UBE2R2: variants seen among roughly 807,000 people sequenced by gnomAD.
UBE2R2 encodes the protein ubiquitin-conjugating enzyme E2 R2.
In UBE2R2, 1 loss-of-function variant was observed where a neutral mutation model predicts 27.8. That is an observed-to-expected ratio of 0.04 (90% CI 0.01 to 0.17). The LOEUF (loss-of-function observed/expected upper bound fraction) is 0.17, where lower values mean the gene tolerates loss of function less well. UBE2R2 is among the 10% of genes least tolerant of loss of function. UBE2R2 has a pLI of 1.00. For missense variants in UBE2R2, 100 were observed against 291.0 expected, an observed-to-expected ratio of 0.34 and a Z score of 4.78; for synonymous variants, 106 against 113.3, an observed-to-expected ratio of 0.94 and a Z score of 0.41.
chr9:33,822,334 C>T (rs891102982), intron 1 of UBE2R2, among the ~76,000 whole-genome samples: 3 of 151,896 alleles, frequency 2.0e-5, no homozygotes, highest in Non-Finnish European at 2.9e-5. Context: ...CAGGTGATCC[C>T]GCTCACCTCA....
At chr9:33,843,941 TAA>T (rs941560807) in intron 1 of UBE2R2, among the ~76,000 whole-genome samples, 2 of 152,182 alleles carry the variant, frequency 1.3e-5, no homozygotes, top group African/African-American at 2.4e-5. Flanking sequence ...AAAAATCTAT[TAA>T]GAGGTATTAT....
intron 1 of UBE2R2, among the ~76,000 whole-genome samples, chr9:33,875,598 A>G (rs1240136048): frequency 6.6e-6 from 1 of 152,108 alleles, no homozygotes; most frequent in East Asian, 1.9e-4. Flanking sequence ...CTTGGGATCC[A>G]TTTTTGAAGT....
At chr9:33,836,156 A>C (rs1820610078) in intron 1 of UBE2R2, among the ~76,000 whole-genome samples, 1 of 151,992 alleles carries the variant, frequency 6.6e-6, no homozygotes, top group South Asian at 2.1e-4. Flanking sequence ...ATATAGAAAA[A>C]TTAGCTGGGC....
chr9:33,817,724 C>T lies in UBE2R2; in HGVS notation c.-34C>T, dbSNP rs1587417896. The T allele has an allele frequency of 6.7e-7, 1 of 1,482,672 alleles. No individual in the cohort carries two copies. The highest frequency in any genetic ancestry group is 9.0e-7 in the Non-Finnish European group (1 of 1,114,046). 91.8% of individuals were successfully genotyped at this position (1,482,672 alleles called of 1,614,324 possible). ...CGGCCGGTGCGTGAGGACTGGGGCC[C>T]GGGCCCGGCGCCGCCGCCGCCGCCG... On this transcript the variant is annotated 5_prime_UTR_variant, in exon 1 of 5. Transcript: ENST00000263228.
intron 1 of UBE2R2, chr9:33,868,460 T>TA (rs1821411804): frequency 2.6e-5 from 4 of 152,074 alleles, no homozygotes; most frequent in Non-Finnish European, 2.9e-5. Flanking sequence ...TTTTCCCACA[T>TA]ACTATTATTG....
rs188524054 is a variant in UBE2R2 at position 33,817,518 on chromosome 9, T to C, written c.-240T>C. The C allele has an allele frequency of 1.6e-4, 36 of 223,044 alleles. No individual in the cohort carries two copies. The highest frequency in any genetic ancestry group is 2.6e-4 in the Non-Finnish European group (33 of 125,908). 13.8% of individuals were successfully genotyped at this position (223,044 alleles called of 1,614,324 possible). On this transcript the variant is annotated 5_prime_UTR_variant, in exon 1 of 5. Transcript: ENST00000263228. Reference sequence around the variant, plus strand: ...GAATTCTCCTAACTCCCTCGACCTCTCCTCTCGCCCGGCCCGAGTGTGAGG... The same window carrying C: ...GAATTCTCCTAACTCCCTCGACCTCCCCTCTCGCCCGGCCCGAGTGTGAGG...
chr9:33,895,704 G>A (rs1026592006), intron 2 of UBE2R2, among the ~76,000 whole-genome samples: 1 of 147,014 alleles, frequency 6.8e-6, no homozygotes, highest in Admixed American at 6.8e-5. Flanking sequence ...TTTGAGCACC[G>A]TTTTGTAGTT....
intron 1 of UBE2R2, among the ~76,000 whole-genome samples, chr9:33,830,596 C>T (rs920692924): frequency 1.7e-4 from 26 of 151,330 alleles, no homozygotes; most frequent in African/African-American, 5.6e-4. Context: ...GTGAAACCCC[C>T]GTCTCTACTG....
chr9:33,893,799 T>G (rs900660088), intron 2 of UBE2R2, among the ~76,000 whole-genome samples: 11 of 152,006 alleles, frequency 7.2e-5, no homozygotes, highest in African/African-American at 2.7e-4. Flanking sequence ...GCCCAGCTAT[T>G]TTTTGTATTT....
intron 3 of UBE2R2, among the ~76,000 whole-genome samples, 181 bp from the exon 4 acceptor site, chr9:33,911,783 T>C (rs554197866): frequency 6.6e-6 from 1 of 152,344 alleles, no homozygotes; most frequent in East Asian, 1.9e-4. Flanking sequence ...AAATGCCTTT[T>C]ATGAAAACTA....
Position 33,900,269 on chromosome 9 carries a change from G to A in UBE2R2, c.360G>A (p.Val120=). ...AAAGGTGGAATCCTACTCAGAATGT[G>A]AGGTAAGGAGGAATCTGGTTTTGGA... is the stretch of plus-strand genomic sequence containing the variant. ...PSERWNPTQN[V]RTILLSVISL... Residue 120 remains valine (V), a splice_region_variant and synonymous_variant, in exon 3 of 5, where the codon GTG becomes GTA. Coordinates refer to ENST00000263228, the MANE Select transcript of UBE2R2 (RefSeq NM_017811.4). 4 of 1,610,752 alleles carry A rather than the reference G, an allele frequency of 2.5e-6. No homozygotes were observed. Among genetic ancestry groups the A allele is most frequent in the Non-Finnish European group, 3.4e-6 (4 of 1,177,454 alleles).
At chr9:33,857,054 G>T (rs1259652752) in intron 1 of UBE2R2, among the ~76,000 whole-genome samples, 1 of 151,208 alleles carries the variant, frequency 6.6e-6, no homozygotes, top group East Asian at 2.0e-4. Context: ...GTGCCACCAG[G>T]CCAGGCTAAT....
At chr9:33,877,683 C>G (rs1321194959) in intron 1 of UBE2R2, among the ~76,000 whole-genome samples, 3 of 152,100 alleles carry the variant, frequency 2.0e-5, no homozygotes, top group Non-Finnish European at 2.9e-5. Flanking sequence ...TGGTATTAAT[C>G]TTTCCAGTTG....
intron 1 of UBE2R2, among the ~76,000 whole-genome samples, chr9:33,825,244 C>CTTTTT (rs71506138): frequency 1.2e-4 from 14 of 119,620 alleles, no homozygotes; most frequent in Non-Finnish European, 1.3e-4. Context: ...AAAAGCAAAG[C>CTTTTT]TTTTTTTTTT....
intron 1 of UBE2R2, among the ~76,000 whole-genome samples, chr9:33,872,380 G>A (rs1017874366): frequency 6.6e-6 from 1 of 152,096 alleles, no homozygotes; most frequent in Admixed American, 6.6e-5. Context: ...GACAGAGTGA[G>A]ACCTTGTTTC....
intron 3 of UBE2R2, among the ~76,000 whole-genome samples, chr9:33,906,248 A>G (rs1822354152): frequency 6.6e-6 from 1 of 151,964 alleles, no homozygotes; most frequent in African/African-American, 2.4e-5. Context: ...TCAGCCTCCC[A>G]AGTACTTGGG....
intron 3 of UBE2R2, among the ~76,000 whole-genome samples, chr9:33,906,657 CAG>C (rs991501575): frequency 1.3e-5 from 2 of 152,140 alleles, no homozygotes; most frequent in African/African-American, 4.8e-5. Context: ...TAGTAGCTAA[CAG>C]AGAAAGGGTT....
intron 2 of UBE2R2, among the ~76,000 whole-genome samples, chr9:33,889,315 T>C (rs1051364486): frequency 1.3e-5 from 2 of 152,204 alleles, no homozygotes; most frequent in Non-Finnish European, 2.9e-5. Flanking sequence ...TTTTCAAGCC[T>C]GTTTTGTTGC....
At chr9:33,879,750 CTTT>C (rs66929161) in intron 1 of UBE2R2, among the ~76,000 whole-genome samples, 740 of 67,372 alleles carry the variant, frequency 0.011, 8 homozygotes, top group African/African-American at 0.038. Flanking sequence ...GGTCACAAGA[CTTT>C]TTTTTTTTTT....
Sources: allele counts gnomAD v4.1 joint callset (sites outside exome capture counted in the v4.1 genomes callset), GRCh38; gene constraint gnomAD v4.1.1; transcripts MANE v1.5; gene names NCBI Gene and HGNC (gene_info 2026-07-23, HGNC 2026-07-21).